LAMA2: variants seen among roughly 807,000 people sequenced by gnomAD.
The protein encoded by LAMA2 is laminin subunit alpha 2.
Under a neutral mutation model 364.8 loss-of-function variants are expected in LAMA2, and 269 were observed. The ratio of observed to expected loss-of-function variants is 0.74; its 90% CI spans 0.67 to 0.82. The LOEUF is 0.82. Ranked by LOEUF, LAMA2 falls within the 40% of genes least tolerant of loss-of-function variation. The pLI, the probability that LAMA2 is intolerant of heterozygous loss-of-function variation, is 0.00. For synonymous variants in LAMA2, 1,379 were observed against 1,370.6 expected, an observed-to-expected ratio of 1.01 and a Z score of -0.14; for missense variants, 3,807 against 3,873.2, an observed-to-expected ratio of 0.98 and a Z score of 0.45.
chr6:129,218,356 A>G (rs1449101221), intron 12 of LAMA2, among the ~76,000 whole-genome samples: 2 of 152,190 alleles, frequency 1.3e-5, no homozygotes, highest in African/African-American at 4.8e-5. Flanking sequence ...AAATGTTTAC[A>G]GTATTCAATG....
intron 62 of LAMA2, among the ~76,000 whole-genome samples, chr6:129,510,552 A>C (rs993792983): frequency 6.6e-6 from 1 of 152,200 alleles, no homozygotes; most frequent in African/African-American, 2.4e-5. Context: ...TGTGGAGATT[A>C]TGATGGGAAA....
chr6:129,330,615 T>TTTTC (rs1398796911), intron 29 of LAMA2, among the ~76,000 whole-genome samples: 7 of 149,174 alleles, frequency 4.7e-5, no homozygotes, highest in Non-Finnish European at 8.9e-5. Context: ...TTTTTTTTTT[T>TTTTC]CCCACTGTGT....
chr6:129,360,275 C>T (rs756774214), intron 32 of LAMA2, among the ~76,000 whole-genome samples: 9 of 152,182 alleles, frequency 5.9e-5, no homozygotes, highest in Non-Finnish European at 1.2e-4. Context: ...ACACACTCTT[C>T]AGATTTTCCC....
chr6:129,460,808 T>C (rs904514631), intron 49 of LAMA2, among the ~76,000 whole-genome samples: 4 of 151,908 alleles, frequency 2.6e-5, no homozygotes, highest in African/African-American at 9.7e-5. Flanking sequence ...TTTTTTTTAA[T>C]TGACACATAG....
intron 1 of LAMA2, among the ~76,000 whole-genome samples, chr6:128,971,912 A>C (rs1217268925): frequency 6.6e-6 from 1 of 152,136 alleles, no homozygotes; most frequent in Non-Finnish European, 1.5e-5. Context: ...CTCTCATTCA[A>C]AGAGGCAGGT....
At chr6:129,298,913 T>C (rs1198840856) in intron 21 of LAMA2, among the ~76,000 whole-genome samples, 1 of 152,162 alleles carries the variant, frequency 6.6e-6, no homozygotes, top group Admixed American at 6.6e-5. Flanking sequence ...TAAGCCAATA[T>C]CTGTATAACT....
chr6:129,315,044 T>G (rs1774491073), intron 24 of LAMA2, among the ~76,000 whole-genome samples: 1 of 152,104 alleles, frequency 6.6e-6, no homozygotes, highest in Non-Finnish European at 1.5e-5. Flanking sequence ...AAGAGGAACC[T>G]TGTCCGGGAA....
intron 14 of LAMA2, among the ~76,000 whole-genome samples, chr6:129,257,597 A>C (rs1320679141): frequency 1.3e-5 from 2 of 152,122 alleles, no homozygotes; most frequent in African/African-American, 4.8e-5. Context: ...ATCTAGATAC[A>C]GTTAATCAAT....
At chr6:129,361,525 T>C (rs1479485463) in intron 32 of LAMA2, among the ~76,000 whole-genome samples, 1 of 152,252 alleles carries the variant, frequency 6.6e-6, no homozygotes, top group Non-Finnish European at 1.5e-5. Flanking sequence ...GGCTCCCAGA[T>C]GGCCTCAAGC....
Position 129,453,119 on chromosome 6 carries a change from A to G in LAMA2, c.6561A>G (p.Gly2187=). The change falls in exon 46 of 65, where the codon GGA becomes GGG. Residue 2187 remains glycine, a synonymous_variant. Coordinates refer to ENST00000421865, the MANE Select transcript of LAMA2 (RefSeq NM_000426.4). ...AVADNLLFYL[G]SAKFIDFLAI... ...CTGATAACCTCCTCTTTTATCTTGG[A>G]AGTGCCAAATTTGTAAGTCTAATAT... The G allele has an allele frequency of 6.2e-7, 1 of 1,612,812 alleles. No homozygotes were observed. Among genetic ancestry groups the G allele is most frequent in the Non-Finnish European group, 8.5e-7 (1 of 1,179,346 alleles).
intron 4 of LAMA2, among the ~76,000 whole-genome samples, chr6:129,112,572 C>A (rs1438959365): frequency 1.3e-5 from 2 of 151,614 alleles, no homozygotes; most frequent in Non-Finnish European, 2.9e-5. Context: ...CTATTTTTTT[C>A]AATAAATAAA....
intron 8 of LAMA2, among the ~76,000 whole-genome samples, chr6:129,164,193 G>A (rs1041548119): frequency 1.3e-5 from 2 of 152,100 alleles, no homozygotes; most frequent in Non-Finnish European, 2.9e-5. Flanking sequence ...TACCTGTGAT[G>A]GGACTAAGTG....
At chr6:129,474,989 G>A (rs1307327892) in intron 52 of LAMA2, among the ~76,000 whole-genome samples, 1 of 152,148 alleles carries the variant, frequency 6.6e-6, no homozygotes, top group Non-Finnish European at 1.5e-5. Flanking sequence ...TGCAAAAGAT[G>A]TGGTAAACAT....
rs117463818 is a variant in LAMA2, at chr6:128,951,205, G to A, written c.112+67848G>A. Among the ~76,000 whole-genome samples the A allele has an allele frequency of 3.5e-3, 538 of 152,218 alleles. 3 individuals carry two copies. Among genetic ancestry groups the A allele is most frequent in the Non-Finnish European group, 5.9e-3 (401 of 68,004 alleles). On this transcript the variant is annotated intron_variant, in intron 1 of 64. Transcript: ENST00000421865. ...AAAAGTAGTTTTCCCTCCACTAGCCGTTTGACCTTGTACAAGTGACTTTAA... is the reference window on the plus strand; with the variant it reads ...AAAAGTAGTTTTCCCTCCACTAGCCATTTGACCTTGTACAAGTGACTTTAA...
At chr6:129,395,387 G>A (rs929583391) in intron 37 of LAMA2, among the ~76,000 whole-genome samples, 4 of 152,040 alleles carry the variant, frequency 2.6e-5, no homozygotes, top group East Asian at 1.9e-4. Context: ...TTCAGGAAAC[G>A]TGCTAGACAC....
chr6:129,073,518 C>T (rs13216682), intron 3 of LAMA2, among the ~76,000 whole-genome samples: 22,544 of 152,078 alleles, frequency 0.15, 2,174 homozygotes, highest in Non-Finnish European at 0.22. Context: ...CCTGCTAGAC[C>T]GTTTGCCGTG....
At chr6:129,465,412 T>C in intron 51 of LAMA2, 123 bp downstream of exon 51, 1 of 842,598 alleles carries the variant, frequency 1.2e-6, no homozygotes, top group Non-Finnish European at 2.0e-6. Flanking sequence ...GTGAAAAATT[T>C]ATACAGTCAT....
At chr6:129,391,046 T>C (rs1379738748) in intron 35 of LAMA2, among the ~76,000 whole-genome samples, 1 of 152,150 alleles carries the variant, frequency 6.6e-6, no homozygotes, top group Non-Finnish European at 1.5e-5. Context: ...GGCAGGTTCA[T>C]TTTCAGAGAT....
intron 7 of LAMA2, 27 bp downstream of exon 7, chr6:129,149,123 A>G: frequency 3.0e-6 from 4 of 1,328,690 alleles, no homozygotes; most frequent in Non-Finnish European, 4.3e-6. Context: ...CCAACAAAAT[A>G]TGTCATTCTT....
Sources: gnomAD v4.1 joint callset for allele counts (sites outside exome capture counted in the v4.1 genomes callset) on GRCh38, gnomAD v4.1.1 for gene constraint, MANE v1.5 for transcripts, NCBI Gene and HGNC (gene_info 2026-07-23, HGNC 2026-07-21) for gene names.